RBFOX1: variants seen among roughly 807,000 people sequenced by gnomAD.
RBFOX1 encodes RNA binding protein fox-1 homolog 1.
RBFOX1 carries 8 observed loss-of-function variants against 57.7 expected under a neutral mutation model. The observed-to-expected ratio is 0.14, with a 90% CI of 0.08 to 0.25. The LOEUF (loss-of-function observed/expected upper bound fraction) is 0.25, where lower values mean the gene tolerates loss of function less well. Among genes scored for constraint, RBFOX1 ranks in the 10% least tolerant of loss-of-function variants. The probability of loss-of-function intolerance (pLI) is 1.00; values close to 1 mark genes in which losing one functional copy is unlikely to be tolerated. For synonymous variants in RBFOX1, 326 were observed against 222.4 expected (o/e 1.47, Z -4.15); for missense variants, 611 against 548.5 (o/e 1.11, Z -1.14).
chr16:7,667,373 A>G (rs916158150), intron 13 of RBFOX1, among the ~76,000 whole-genome samples: 7 of 152,172 alleles, frequency 4.6e-5, no homozygotes, highest in Non-Finnish European at 1.0e-4. Context: ...AATATACAGA[A>G]CAAGATTCAT....
At chr16:5,346,268 A>T (rs900066607) in intron 1 of RBFOX1, among the ~76,000 whole-genome samples, 1 of 152,222 alleles carries the variant, frequency 6.6e-6, no homozygotes, top group African/African-American at 2.4e-5. Context: ...GGAATAAAAA[A>T]GTCTTATAGA....
chr16:6,862,537 C>G (rs1315897975), intron 3 of RBFOX1, among the ~76,000 whole-genome samples: 1 of 152,212 alleles, frequency 6.6e-6, no homozygotes, highest in Admixed American at 6.5e-5. Flanking sequence ...GGAGGTGATA[C>G]TTAACCAGCA....
At chr16:5,616,326 G>C (rs34163817) in intron 3 of RBFOX1, 106,827 of 152,272 alleles carry the variant, frequency 0.7, 42,196 homozygotes, top group Non-Finnish European at 0.9. Flanking sequence ...CTGTCACTCC[G>C]GACACCGCCC....
chr16:6,371,435 G>A (rs767726632), intron 2 of RBFOX1, among the ~76,000 whole-genome samples: 3 of 151,958 alleles, frequency 2.0e-5, no homozygotes, highest in Admixed American at 6.6e-5. Flanking sequence ...AACTACAATC[G>A]GTTACTTTCG....
At chr16:7,224,740 G>T (rs1187461506) in intron 4 of RBFOX1, among the ~76,000 whole-genome samples, 1 of 152,290 alleles carries the variant, frequency 6.6e-6, no homozygotes, top group East Asian at 1.9e-4. Context: ...GTCATTTTAT[G>T]GTTCTCCTGA....
At chr16:5,876,224 G>A (rs1038838699) in intron 4 of RBFOX1, among the ~76,000 whole-genome samples, 1 of 152,062 alleles carries the variant, frequency 6.6e-6, no homozygotes, top group African/African-American at 2.4e-5. Flanking sequence ...CTTTTAATTA[G>A]CACCTGAGTC....
rs1158930052 is a variant in RBFOX1 at position 7,029,287 on chromosome 16, C to CAT, written c.-15-22760_-15-22759dup. On this transcript the variant is annotated intron_variant, in intron 3 of 15. Coordinates refer to ENST00000550418, the MANE Select transcript of RBFOX1 (RefSeq NM_018723.4). ...ATATACGTATACGTATATATATACA[C>CAT]ATATATATATACGTATATGTATATA... is the stretch of plus-strand genomic sequence containing the variant. 1.2e-4 allele frequency among the ~76,000 whole-genome samples: 12 copies of CAT among 102,270 alleles called. 1 individual carries two copies. The highest frequency in any genetic ancestry group is 4.1e-4 in the African/African-American group (10 of 24,236). 67.1% of individuals were successfully genotyped at this position (102,270 alleles called of 152,430 possible).
intron 15 of RBFOX1, chr16:7,709,700 G>A: frequency 8.9e-7 from 1 of 1,127,082 alleles, no homozygotes; most frequent in Non-Finnish European, 1.1e-6. Context: ...AATCAGCTGG[G>A]TTTGGGGGTT....
chr16:5,990,786 C>T (rs553145018), intron 4 of RBFOX1, among the ~76,000 whole-genome samples: 1 of 152,156 alleles, frequency 6.6e-6, no homozygotes, highest in Non-Finnish European at 1.5e-5. Flanking sequence ...CCAGCCTGGC[C>T]AACATGAGGA....
chr16:6,203,532 C>T (rs549518120), intron 1 of RBFOX1, among the ~76,000 whole-genome samples: 19 of 152,178 alleles, frequency 1.2e-4, no homozygotes, highest in Admixed American at 3.9e-4. Flanking sequence ...TTGTGAATAG[C>T]GGTGCAATGA....
intron 1 of RBFOX1, among the ~76,000 whole-genome samples, chr16:6,117,414 C>T (rs968055018): frequency 6.6e-6 from 1 of 152,190 alleles, no homozygotes; most frequent in Non-Finnish European, 1.5e-5. Context: ...ATTAGATCAC[C>T]TTTCATGGTT....
intron 2 of RBFOX1, among the ~76,000 whole-genome samples, chr16:6,509,580 C>G (rs968318454): frequency 1.3e-5 from 2 of 151,968 alleles, no homozygotes; most frequent in Non-Finnish European, 1.5e-5. Context: ...TTCATGGGAA[C>G]AAAACATAGT....
intron 4 of RBFOX1, among the ~76,000 whole-genome samples, chr16:7,453,767 A>G (rs1433633117): frequency 1.3e-5 from 2 of 152,178 alleles, no homozygotes; most frequent in Admixed American, 1.3e-4. Context: ...GAAACCACTG[A>G]CTGAAGTGTT....
chr16:5,295,605 C>G (rs1434306347), intron 1 of RBFOX1, among the ~76,000 whole-genome samples: 3 of 152,216 alleles, frequency 2.0e-5, no homozygotes, highest in Non-Finnish European at 4.4e-5. Context: ...TTGCTGCCCT[C>G]AGCTTCTTGC....
chr16:5,560,581 TGTG>T (rs1250134950), intron 2 of RBFOX1, among the ~76,000 whole-genome samples: 4 of 152,226 alleles, frequency 2.6e-5, no homozygotes, highest in Non-Finnish European at 4.4e-5. Flanking sequence ...CAAGGTCAAA[TGTG>T]GTGCCTATTT....
chr16:5,796,302 T>G (rs1282253355), intron 3 of RBFOX1, among the ~76,000 whole-genome samples: 1 of 152,166 alleles, frequency 6.6e-6, no homozygotes, highest in Non-Finnish European at 1.5e-5. Flanking sequence ...AAACATGTTA[T>G]GGGAAAGAGG....
chr16:7,225,730 TA>T (rs1394750389), intron 4 of RBFOX1, among the ~76,000 whole-genome samples: 1 of 117,810 alleles, frequency 8.5e-6, no homozygotes, highest in African/African-American at 3.5e-5. Flanking sequence ...TATTGTACTT[TA>T]AAAATGTGAA....
chr16:7,384,613 G>A (rs757166786), intron 4 of RBFOX1, among the ~76,000 whole-genome samples: 10 of 152,158 alleles, frequency 6.6e-5, no homozygotes, highest in Admixed American at 1.3e-4. Flanking sequence ...GTCATGGAGT[G>A]AACAGCTTTG....
intron 4 of RBFOX1, among the ~76,000 whole-genome samples, chr16:5,942,313 A>C (rs2059299179): frequency 6.6e-6 from 1 of 152,082 alleles, no homozygotes; most frequent in Admixed American, 6.5e-5. Context: ...TAGGAAATGT[A>C]ATCATAGGTG....
Sources: allele counts gnomAD v4.1 joint callset (sites outside exome capture counted in the v4.1 genomes callset), GRCh38; gene constraint gnomAD v4.1.1; transcripts MANE v1.5; gene names NCBI Gene and HGNC (gene_info 2026-07-23, HGNC 2026-07-21).